Variants in OR2B11 observed in about 807,000 individuals in gnomAD.
The protein encoded by OR2B11 is olfactory receptor 2B11.
For missense variants in OR2B11, 422 were observed against 400.0 expected, an observed-to-expected ratio of 1.05 and a Z score of -0.47; for synonymous variants, 198 against 174.5, an observed-to-expected ratio of 1.13 and a Z score of -1.06.
At position 247,454,425 on chromosome 1, in the gene OR2B11, A is replaced by C. The variant is rs77779671; in HGVS notation, c.-2443T>G. The C allele has an allele frequency of 0.06, 9,084 of 152,404 alleles. 870 individuals are homozygous for C. Among genetic ancestry groups the C allele is most frequent in the African/African-American group, 0.21 (8,532 of 41,508 alleles). The allele number at this position is 152,404 out of a possible 1,614,324, so 9.4% of individuals were successfully genotyped here. A position where few individuals can be genotyped will look rare whatever the true frequency, so the allele number is the denominator to read the frequency against. ...TCCCTGGATGGACACAGTAGTTCCCACAAACATCGCCATCGCATTCAGACG... is the reference window on the plus strand; with the variant it reads ...TCCCTGGATGGACACAGTAGTTCCCCCAAACATCGCCATCGCATTCAGACG... On this transcript the variant is annotated 5_prime_UTR_variant, in exon 2 of 2. Coordinates refer to ENST00000641149, the MANE Select transcript of OR2B11 (RefSeq NM_001004492.2).
chr1:247,451,166 C>T lies in OR2B11; in HGVS notation c.817G>A (p.Glu273Lys), dbSNP rs776723686. Residue 273 changes from glutamate (E) to lysine (K), a missense_variant, in exon 2 of 2, where the codon GAG (glutamate) becomes AAG (lysine). Glu to Lys is a moderately conservative substitution (Grantham distance 56, BLOSUM62 1). Transcript: ENST00000641149. ...AAGAGAGAAATAAATTTGCCCTGCTCTTGGGAGTAGCTGGAAGGGGGCTGC... is the reference window on the plus strand; with the variant it reads ...AAGAGAGAAATAAATTTGCCCTGCTTTTGGGAGTAGCTGGAAGGGGGCTGC... Reference protein sequence around the residue: ...YLQPPSSYSQEQGKFISLFYS... With the variant: ...YLQPPSSYSQKQGKFISLFYS... 23 of 1,550,384 alleles carry T rather than the reference C, an allele frequency of 1.5e-5. No individual in the cohort carries two copies. In the Admixed American group the frequency reaches 2.5e-4, roughly 17 times the overall value.
At position 247,451,131 on chromosome 1, in the gene OR2B11, T is replaced by TAAAA; in HGVS notation, c.851_852insTTTT (p.Ile285PhefsTer16). On this transcript the variant is annotated frameshift_variant, in exon 2 of 2. Transcript: ENST00000641149. LOFTEE classifies it low-confidence loss of function (END_TRUNC). ...TGAAGGGATTGAGAGTGGGGGTGATTATGGAATAGAAGAGAGAAATAAATT... is the reference window on the plus strand; with the variant it reads ...TGAAGGGATTGAGAGTGGGGGTGATTAAAAATGGAATAGAAGAGAGAAATAAATT... 6.6e-7 allele frequency: 1 copy of TAAAA among 1,523,266 alleles called. No individual in the cohort carries two copies. The highest frequency in any genetic ancestry group is 8.8e-7 in the Non-Finnish European group (1 of 1,134,886). 94.4% of individuals were successfully genotyped at this position (1,523,266 alleles called of 1,614,324 possible). A position where few individuals can be genotyped will look rare whatever the true frequency, so the allele number is the denominator to read the frequency against.
Position 247,449,399 on chromosome 1 carries a change from C to T in OR2B11, c.*1630G>A, listed in dbSNP as rs1268425829. 3 of 152,142 alleles carry T rather than the reference C, an allele frequency of 2.0e-5. No homozygotes were observed. Among genetic ancestry groups the T allele is most frequent in the African/African-American group, 7.2e-5 (3 of 41,414 alleles). 9.4% of individuals were successfully genotyped at this position (152,142 alleles called of 1,614,324 possible). ...CAGCTTATTTTGGATTTATCCCATC[C>T]GAGGAACAGTTCATCTATTATACTT... On this transcript the variant is annotated 3_prime_UTR_variant, in exon 2 of 2. Coordinates refer to ENST00000641149, the MANE Select transcript of OR2B11 (RefSeq NM_001004492.2).
chr1:247,455,251 T>C (rs1341761313), intron 1 of OR2B11, among the ~76,000 whole-genome samples, 187 bp from the exon 2 acceptor site: 1 of 152,180 alleles, frequency 6.6e-6, no homozygotes, highest in African/African-American at 2.4e-5. Flanking sequence ...AAGTAGCTTA[T>C]GAGATGGGCA....
rs560660123 is a variant in OR2B11 at position 247,452,416 on chromosome 1, G to A, written c.-434C>T. The A allele has an allele frequency of 1.0e-4, 17 of 167,764 alleles. No individual in the cohort carries two copies. Among genetic ancestry groups the A allele is most frequent in the East Asian group, 9.4e-4 (6 of 6,400 alleles). The allele number at this position is 167,764 out of a possible 1,614,324, so 10.4% of individuals were successfully genotyped here. On this transcript the variant is annotated 5_prime_UTR_variant, in exon 2 of 2. Transcript: ENST00000641149. ...TTTGATTTCTCTCTACATCCACATC[G>A]ACAAGGAATTGTCCACCTTCTTAGG...
At position 247,453,161 on chromosome 1, in the gene OR2B11, A is replaced by G. The variant is rs762351248; in HGVS notation, c.-1179T>C. ...TATTCATAATAAATCCTGTAAGCAGATAATTTATGAAGGATTTTTATTCTT... is the reference window on the plus strand; with the variant it reads ...TATTCATAATAAATCCTGTAAGCAGGTAATTTATGAAGGATTTTTATTCTT... On this transcript the variant is annotated 5_prime_UTR_variant, in exon 2 of 2. Coordinates refer to ENST00000641149, the MANE Select transcript of OR2B11 (RefSeq NM_001004492.2). 8 of 152,254 alleles carry G rather than the reference A, an allele frequency of 5.3e-5. No homozygotes were observed. Among genetic ancestry groups the G allele is most frequent in the Non-Finnish European group, 8.8e-5 (6 of 68,052 alleles). The allele number at this position is 152,254 out of a possible 1,614,324, so 9.4% of individuals were successfully genotyped here.
chr1:247,451,933 A>G lies in OR2B11; in HGVS notation c.50T>C (p.Ile17Thr), dbSNP rs1664857949. The G allele has an allele frequency of 6.2e-7, 1 of 1,607,938 alleles. No individual in the cohort carries two copies. Residue 17 changes from isoleucine (I) to threonine (T), a missense_variant, in exon 2 of 2, where the codon ATC (isoleucine) becomes ACC (threonine). Coordinates refer to ENST00000641149, the MANE Select transcript of OR2B11 (RefSeq NM_001004492.2). ...CGGCCTGTCAGACACACCCAGAAGG[A>G]TGAAGGCTTTAGGGGAGTCCCCTAA... ...SFLGDSPKAF[I>T]LLGVSDRPWL...
Position 247,454,228 on chromosome 1 carries a change from A to G in OR2B11, c.-2246T>C, listed in dbSNP as rs1558216494. ...ACACGCACACACACACGGTTTCTCA[A>G]TGGCAAAGCTGGACACTGCCCAGCC... is the stretch of plus-strand genomic sequence containing the variant. On this transcript the variant is annotated 5_prime_UTR_variant, in exon 2 of 2. Coordinates refer to ENST00000641149, the MANE Select transcript of OR2B11 (RefSeq NM_001004492.2). 6.6e-6 allele frequency: 1 copy of G among 152,558 alleles called. No individual in the cohort carries two copies. The highest frequency in any genetic ancestry group is 1.5e-5 in the Non-Finnish European group (1 of 68,424). 9.5% of individuals were successfully genotyped at this position (152,558 alleles called of 1,614,324 possible). A position where few individuals can be genotyped will look rare whatever the true frequency, so the allele number is the denominator to read the frequency against.
chr1:247,456,445 C>T (rs1399673964), intron 1 of OR2B11, among the ~76,000 whole-genome samples: 2 of 152,128 alleles, frequency 1.3e-5, no homozygotes, highest in Non-Finnish European at 1.5e-5. Context: ...CCTCACCCAG[C>T]CCAGTTTCCC....
rs775940388 is a variant in OR2B11 at position 247,451,538 on chromosome 1, C to A, written c.445G>T (p.Val149Leu). 6.2e-7 allele frequency: 1 copy of A among 1,614,190 alleles called. No individual in the cohort carries two copies. Among genetic ancestry groups the A allele is most frequent in the South Asian group, 1.1e-5 (1 of 91,080 alleles). ...AAGCCACTGAGCCAGGCCAGAGCCA[C>A]GAGCTGCTGACAGAGAGCACGGTGC... ...LMHRALCQQLVALAWLSGFGN... is the reference protein window; with the variant it reads ...LMHRALCQQLLALAWLSGFGN... Residue 149 changes from valine (V) to leucine (L), a missense_variant, in exon 2 of 2, where the codon GTG becomes TTG. By Grantham distance (32) the Val-to-Leu change is conservative (BLOSUM62 1). Transcript: ENST00000641149.
rs563603744 is a variant in OR2B11 at position 247,456,779 on chromosome 1, G to T, written c.-3083+860C>A. ...TCCCCTAGCCCCCACTCCCTGATGG[G>T]CCCCGGTGTGTGATGTTCCGCTCCC... On this transcript the variant is annotated intron_variant, in intron 1 of 1. Coordinates refer to ENST00000641149, the MANE Select transcript of OR2B11 (RefSeq NM_001004492.2). Among the ~76,000 whole-genome samples, 79 of 152,046 alleles carry T rather than the reference G, an allele frequency of 5.2e-4. 1 individual carries two copies. The South Asian group carries it at 0.012, about 23-fold the overall frequency.
At position 247,452,697 on chromosome 1, in the gene OR2B11, G is replaced by A. The variant is rs566311046; in HGVS notation, c.-715C>T. The A allele has an allele frequency of 2.0e-5, 3 of 152,978 alleles. No homozygotes were observed. The highest frequency in any genetic ancestry group is 2.0e-4 in the Admixed American group (3 of 15,310). The allele number at this position is 152,978 out of a possible 1,614,324, so 9.5% of individuals were successfully genotyped here. A position where few individuals can be genotyped will look rare whatever the true frequency, so the allele number is the denominator to read the frequency against. ...GAGTCTCTGGAGTGGAAGAGCCAAG[G>A]TATACGTTACTTCAGCCCCTGAATA... On this transcript the variant is annotated 5_prime_UTR_variant, in exon 2 of 2. Coordinates refer to ENST00000641149, the MANE Select transcript of OR2B11 (RefSeq NM_001004492.2).
chr1:247,450,237 C>A lies in OR2B11; in HGVS notation c.*792G>T, dbSNP rs12407904. The A allele has an allele frequency of 6.6e-6, 1 of 152,260 alleles. No individual in the cohort carries two copies. Among genetic ancestry groups the A allele is most frequent in the African/African-American group, 2.4e-5 (1 of 41,566 alleles). The allele number at this position is 152,260 out of a possible 1,614,324, so 9.4% of individuals were successfully genotyped here. On this transcript the variant is annotated 3_prime_UTR_variant, in exon 2 of 2. Coordinates refer to ENST00000641149, the MANE Select transcript of OR2B11 (RefSeq NM_001004492.2). ...TCCTGACCTTGTGATTCACCCGCCT[C>A]GGCCTCCCAAAGTGCTGGGATTACA...
Position 247,455,061 on chromosome 1 carries a change from T to G in OR2B11, c.-3079A>C, listed in dbSNP as rs1438796080. Reference sequence around the variant, plus strand: ...GTGATACACCCTTAGATATATATCATTCCCTGTAGGATATATAATCCTTAT... The same window carrying G: ...GTGATACACCCTTAGATATATATCAGTCCCTGTAGGATATATAATCCTTAT... On this transcript the variant is annotated 5_prime_UTR_variant, in exon 2 of 2. An upstream start codon of the reference 5' UTR is lost. Transcript: ENST00000641149. The G allele has an allele frequency of 6.6e-6, 1 of 152,224 alleles. No homozygotes were observed. The highest frequency in any genetic ancestry group is 1.5e-5 in the Non-Finnish European group (1 of 68,034). 9.4% of individuals were successfully genotyped at this position (152,224 alleles called of 1,614,324 possible).
Position 247,451,016 on chromosome 1 carries a change from T to A in OR2B11, c.*13A>T, listed in dbSNP as rs1329829925. 1.6e-5 allele frequency: 23 copies of A among 1,406,406 alleles called. No homozygotes were observed. The highest frequency in any genetic ancestry group is 2.0e-5 in the Non-Finnish European group (21 of 1,046,432). The allele number at this position is 1,406,406 out of a possible 1,614,324, so 87.1% of individuals were successfully genotyped here. On this transcript the variant is annotated 3_prime_UTR_variant, in exon 2 of 2. Coordinates refer to ENST00000641149, the MANE Select transcript of OR2B11 (RefSeq NM_001004492.2). ...TTCTTTAATTGATGGAGATGCTACATCTCATGTCCTCATCATCCACAGAGC... is the reference window on the plus strand; with the variant it reads ...TTCTTTAATTGATGGAGATGCTACAACTCATGTCCTCATCATCCACAGAGC...
Position 247,452,093 on chromosome 1 carries a change from G to A in OR2B11, c.-111C>T. On this transcript the variant is annotated 5_prime_UTR_variant, in exon 2 of 2. Coordinates refer to ENST00000641149, the MANE Select transcript of OR2B11 (RefSeq NM_001004492.2). ...TCTTGCATCCACTCTTCCTTTCCCA[G>A]GTGATAGCCTGTTTGATTCTCCTTA... 4.3e-6 allele frequency: 3 copies of A among 693,538 alleles called. No homozygotes were observed. The South Asian group carries it at 5.4e-5, about 12-fold the overall frequency. The allele number at this position is 693,538 out of a possible 1,614,324, so 43.0% of individuals were successfully genotyped here.
rs1276650882 is a variant in OR2B11, at chr1:247,453,152, T to G, written c.-1170A>C. On this transcript the variant is annotated 5_prime_UTR_variant, in exon 2 of 2. Transcript: ENST00000641149. ...ATTAATCATTATTCATAATAAATCC[T>G]GTAAGCAGATAATTTATGAAGGATT... 6.6e-6 allele frequency: 1 copy of G among 152,260 alleles called. No homozygotes were observed. Among genetic ancestry groups the G allele is most frequent in the Non-Finnish European group, 1.5e-5 (1 of 68,044 alleles). 9.4% of individuals were successfully genotyped at this position (152,260 alleles called of 1,614,324 possible). A position where few individuals can be genotyped will look rare whatever the true frequency, so the allele number is the denominator to read the frequency against.
Position 247,451,442 on chromosome 1 carries a change from A to G in OR2B11, c.541T>C (p.Phe181Leu). The G allele has an allele frequency of 2.5e-6, 4 of 1,614,126 alleles. No homozygotes were observed. Among genetic ancestry groups the G allele is most frequent in the Non-Finnish European group, 3.4e-6 (4 of 1,180,006 alleles). ...PFCGRQVLNN[F>L]FCEVPAVIKL... The stretch of plus-strand genomic sequence containing the variant: ...ATCACGGCCGGCACCTCACAGAAAA[A>G]GTTGTTCAGCACCTGCCGCCCGCAG... The change falls in exon 2 of 2, where the codon TTT (phenylalanine) becomes CTT (leucine). Residue 181 changes from phenylalanine (F) to leucine (L), a missense_variant. Coordinates refer to ENST00000641149, the MANE Select transcript of OR2B11 (RefSeq NM_001004492.2).
Position 247,451,239 on chromosome 1 carries a change from G to C in OR2B11, c.744C>G (p.His248Gln). ...GGTAGAAGAGGGAGACGATCATCAG[G>C]TGGGAGGAACACGTCCCAAAGGCCT... ...RHKAFGTCSSHLMIVSLFYLP... is the reference protein window; with the variant it reads ...RHKAFGTCSSQLMIVSLFYLP... Residue 248 changes from histidine (H) to glutamine (Q), a missense_variant, in exon 2 of 2, where the codon CAC (histidine) becomes CAG (glutamine). Transcript: ENST00000641149. The C allele has an allele frequency of 6.2e-7, 1 of 1,605,286 alleles. No homozygotes were observed. Among genetic ancestry groups the C allele is most frequent in the South Asian group, 1.1e-5 (1 of 90,720 alleles).
Sources: allele counts gnomAD v4.1 joint callset (sites outside exome capture counted in the v4.1 genomes callset), GRCh38; gene constraint gnomAD v4.1.1; transcripts MANE v1.5; gene names NCBI Gene and HGNC (gene_info 2026-07-23, HGNC 2026-07-21).